SRSF11: variants seen among roughly 807,000 people sequenced by gnomAD.
SRSF11 encodes serine/arginine-rich splicing factor 11.
Under a neutral mutation model 56.0 loss-of-function variants are expected in SRSF11, and 9 were observed. The ratio of observed to expected loss-of-function variants is 0.16; its 90% confidence interval spans 0.10 to 0.28. The LOEUF (loss-of-function observed/expected upper bound fraction) is 0.28, where lower values mean the gene tolerates loss of function less well. Ranked by LOEUF, SRSF11 falls within the 10% of genes least tolerant of loss-of-function variation. SRSF11 has a pLI of 1.00. For missense variants in SRSF11, 421 were observed against 600.7 expected, an observed-to-expected ratio of 0.70 and a Z score of 3.13; for synonymous variants, 222 against 215.3, an observed-to-expected ratio of 1.03 and a Z score of -0.27.
At chr1:70,249,877 A>G in intron 9 of SRSF11, 75 bp from the exon 10 acceptor site, 1 of 1,473,904 alleles carries the variant, frequency 6.8e-7, no homozygotes, top group African/African-American at 1.4e-5. Flanking sequence ...TCATTGTTAG[A>G]ATCATCTATG....
At chr1:70,219,849 A>AGAGC (rs1415030825), upstream of SRSF11, among the ~76,000 whole-genome samples, 10 of 152,320 alleles carry the variant, frequency 6.6e-5, no homozygotes, top group African/African-American at 2.4e-4. Context: ...AAATCTCAAT[A>AGAGC]ACCTTGTGCT....
intron 7 of SRSF11, 21 bp downstream of exon 7, chr1:70,239,541 A>G: frequency 1.3e-6 from 2 of 1,512,324 alleles, no homozygotes; most frequent in Non-Finnish European, 1.8e-6. Flanking sequence ...TTTTTAGTCA[A>G]TTATACCTTA....
chr1:70,240,064 C>T (rs979503280), intron 7 of SRSF11, among the ~76,000 whole-genome samples: 11 of 152,114 alleles, frequency 7.2e-5, no homozygotes, highest in Admixed American at 7.2e-4. Context: ...TCTAGATTCT[C>T]AAAGGTGATA....
intron 8 of SRSF11, among the ~76,000 whole-genome samples, chr1:70,246,176 T>A (rs1038996336): frequency 6.6e-6 from 1 of 152,088 alleles, no homozygotes; most frequent in Non-Finnish European, 1.5e-5. Flanking sequence ...ATATATATCG[T>A]TTATCTACTC....
intron 1 of SRSF11, among the ~76,000 whole-genome samples, chr1:70,208,590 G>A (rs990892912): frequency 2.0e-5 from 3 of 151,998 alleles, no homozygotes; most frequent in African/African-American, 7.3e-5. Flanking sequence ...CACCTGCCTC[G>A]GCCCCCGAAA....
chr1:70,213,803 A>G (rs1669770555), intron 1 of SRSF11, among the ~76,000 whole-genome samples: 1 of 152,184 alleles, frequency 6.6e-6, no homozygotes, highest in Non-Finnish European at 1.5e-5. Flanking sequence ...GCACCAAGTA[A>G]TGAGCTGAAG....
intron 3 of SRSF11, 134 bp downstream of exon 3, chr1:70,232,511 A>G: frequency 1.6e-6 from 1 of 644,536 alleles, no homozygotes. Context: ...TATCAAAATC[A>G]CAAATAGTAT....
rs529865662 is a variant in SRSF11, at chr1:70,241,280, TATATC to T, written c.800+1764_800+1768del. Among the ~76,000 whole-genome samples, 41 of 152,342 alleles carry T rather than the reference TATATC, an allele frequency of 2.7e-4. No homozygotes were observed. The South Asian group carries it at 3.5e-3, about 13-fold the overall frequency. On this transcript the variant is annotated intron_variant, in intron 7 of 11. Transcript: ENST00000370949. Reference sequence around the variant, plus strand: ...TTGTCACGTCTCTATTAAAAGCACTTATATCATAAAATATCTAAAAAGTCACATTT... The same window carrying T: ...TTGTCACGTCTCTATTAAAAGCACTTATAAAATATCTAAAAAGTCACATTT...
intron 9 of SRSF11, chr1:70,248,913 T>G (rs973847685): frequency 3.3e-5 from 5 of 152,234 alleles, no homozygotes; most frequent in African/African-American, 1.2e-4. Context: ...TGACAATGTT[T>G]GATAAGTGAA....
intron 5 of SRSF11, among the ~76,000 whole-genome samples, chr1:70,237,201 T>G (rs773680379): frequency 6.6e-6 from 1 of 152,150 alleles, no homozygotes; most frequent in African/African-American, 2.4e-5. Flanking sequence ...GCAAAATAGG[T>G]ATTTTTCTAA....
In SRSF11 at chr1:70,221,708, T is replaced by C. The variant is rs538058216; in HGVS notation, c.72T>C (p.Gly24=). ...GCGGCGGGCCCGGTGGCGGAGGTGG[T>C]GGTGGCGGCGGAGGCGGCGGCACCG... ...GPSGGPGGGG[G]GGGGGGGTEV... is the part of the protein sequence containing the mutation. Residue 24 remains glycine, a synonymous_variant, in exon 1 of 12, where the codon GGT becomes GGC. Transcript: ENST00000370949. 1 of 1,611,724 alleles carries C rather than the reference T, an allele frequency of 6.2e-7. No homozygotes were observed. The highest frequency in any genetic ancestry group is 1.3e-5 in the African/African-American group (1 of 74,606).
At chr1:70,232,893 C>T (rs569976583) in intron 3 of SRSF11, among the ~76,000 whole-genome samples, 10 of 152,198 alleles carry the variant, frequency 6.6e-5, no homozygotes, top group African/African-American at 1.4e-4. Context: ...CAGTGCTGTA[C>T]GAAGCTTATT....
At chr1:70,244,027 AG>A (rs1484131362) in intron 7 of SRSF11, among the ~76,000 whole-genome samples, 1 of 152,226 alleles carries the variant, frequency 6.6e-6, no homozygotes, top group Non-Finnish European at 1.5e-5. Context: ...CAGATATGTC[AG>A]GGAAAAATGA....
chr1:70,220,222 C>A (rs143532162), upstream of SRSF11, among the ~76,000 whole-genome samples: 1 of 152,276 alleles, frequency 6.6e-6, no homozygotes, highest in African/African-American at 2.4e-5. Flanking sequence ...TTGCAGAAGT[C>A]ATAGCAGTGA....
intron 7 of SRSF11, among the ~76,000 whole-genome samples, chr1:70,241,669 T>G (rs1404460572): frequency 6.6e-6 from 1 of 152,242 alleles, no homozygotes; most frequent in Non-Finnish European, 1.5e-5. Context: ...GTCTTCATGT[T>G]TCTGCTCATG....
At chr1:70,230,980 A>G in intron 2 of SRSF11, 1 of 1,244,984 alleles carries the variant, frequency 8.0e-7, no homozygotes, top group Non-Finnish European at 1.0e-6. Flanking sequence ...CAAGCAAGAT[A>G]ACAGTGCTGT....
At chr1:70,218,849 A>G (rs1239566126), upstream of SRSF11, 3 of 152,250 alleles carry the variant, frequency 2.0e-5, no homozygotes, top group Admixed American at 6.5e-5. Context: ...ATCAGCCTCC[A>G]TAACCATGTG....
chr1:70,225,053 ACT>A (rs2100648157), intron 1 of SRSF11, among the ~76,000 whole-genome samples: 1 of 152,302 alleles, frequency 6.6e-6, no homozygotes, highest in South Asian at 2.1e-4. Context: ...CCAAGTTGTG[ACT>A]CTCCTTTACC....
chr1:70,231,033 G>A, intron 2 of SRSF11: 8 of 1,288,666 alleles, frequency 6.2e-6, no homozygotes, highest in Non-Finnish European at 7.1e-6. Flanking sequence ...CTCAGTATAG[G>A]TGGAAGGAAC....
Sources: gnomAD v4.1 joint callset for allele counts (sites outside exome capture counted in the v4.1 genomes callset) on GRCh38, gnomAD v4.1.1 for gene constraint, MANE v1.5 for transcripts, NCBI Gene and HGNC (gene_info 2026-07-23, HGNC 2026-07-21) for gene names.